Variants in TRAPPC9 observed in about 807,000 individuals in gnomAD.
TRAPPC9 encodes IKK2 binding protein.
TRAPPC9 carries 83 observed loss-of-function variants against 124.0 expected under a neutral mutation model. That is an observed-to-expected ratio of 0.67 (90% CI 0.56 to 0.80). TRAPPC9 has a LOEUF of 0.80. Ranked by LOEUF, TRAPPC9 falls within the 30% of genes least tolerant of loss-of-function variation. TRAPPC9 has a pLI of 0.00. For missense variants in TRAPPC9, 1,302 were observed against 1,508.3 expected, an observed-to-expected ratio of 0.86 and a Z score of 2.27; for synonymous variants, 638 against 617.5, an observed-to-expected ratio of 1.03 and a Z score of -0.49.
At chr8:140,288,767 C>T (rs147079980) in intron 12 of TRAPPC9, among the ~76,000 whole-genome samples, 97 of 152,216 alleles carry the variant, frequency 6.4e-4, no homozygotes, top group East Asian at 2.3e-3. Flanking sequence ...CATTAACAAG[C>T]GATCAAAACC....
chr8:140,389,988 C>T (rs755202946), intron 7 of TRAPPC9, among the ~76,000 whole-genome samples: 5 of 152,146 alleles, frequency 3.3e-5, no homozygotes, highest in African/African-American at 1.2e-4. Context: ...AGCTCTAAGG[C>T]TCCTAACAGC....
intron 19 of TRAPPC9, among the ~76,000 whole-genome samples, chr8:139,962,253 G>A (rs1052026588): frequency 0.026 from 3,179 of 124,398 alleles, 483 homozygotes; most frequent in African/African-American, 0.076. Flanking sequence ...AGAGATTTCC[G>A]GGAAGAAAAT....
intron 19 of TRAPPC9, among the ~76,000 whole-genome samples, chr8:139,948,693 G>A (rs1294821707): frequency 1.3e-5 from 2 of 152,188 alleles, no homozygotes; most frequent in African/African-American, 4.8e-5. Flanking sequence ...TTGGGGCTAG[G>A]AGCCAGGCCT....
chr8:140,364,372 T>C (rs1011103024), intron 8 of TRAPPC9, among the ~76,000 whole-genome samples: 1 of 150,284 alleles, frequency 6.7e-6, no homozygotes, highest in African/African-American at 2.5e-5. Context: ...CAAATGGGAA[T>C]TCCATTCACA....
Position 139,868,676 on chromosome 8 carries a change from GTAA to G in TRAPPC9, c.3055+17200_3055+17202del, listed in dbSNP as rs369003576. Among the ~76,000 whole-genome samples, 43 of 152,308 alleles carry G rather than the reference GTAA, an allele frequency of 2.8e-4. No homozygotes were observed. The East Asian group carries it at 7.9e-3, about 28-fold the overall frequency. On this transcript the variant is annotated intron_variant, in intron 21 of 22. Coordinates refer to ENST00000438773, the MANE Select transcript of TRAPPC9 (RefSeq NM_001160372.4). ...GCTTTGTTCTCTCCCCTAAAGCGTAGTAATAACACTACCTACTCTGGAGATTGT... is the reference window on the plus strand; with the variant it reads ...GCTTTGTTCTCTCCCCTAAAGCGTAGTAACACTACCTACTCTGGAGATTGT...
At chr8:139,829,438 C>T (rs1283741658) in intron 21 of TRAPPC9, among the ~76,000 whole-genome samples, 1 of 152,264 alleles carries the variant, frequency 6.6e-6, no homozygotes, top group Non-Finnish European at 1.5e-5. Context: ...CACCACCTGA[C>T]ATGGGTCTCC....
At chr8:139,862,229 C>G (rs995348475) in intron 21 of TRAPPC9, among the ~76,000 whole-genome samples, 5 of 152,266 alleles carry the variant, frequency 3.3e-5, no homozygotes, top group African/African-American at 1.2e-4. Flanking sequence ...GCCTGTGTTG[C>G]TTCACAAAAG....
In TRAPPC9 at chr8:140,356,985, A is replaced by G. The variant is rs943813872; in HGVS notation, c.1495+3065T>C. 2.0e-5 allele frequency among the ~76,000 whole-genome samples: 3 copies of G among 152,324 alleles called. No homozygotes were observed. The East Asian group carries it at 5.8e-4, about 29-fold the overall frequency. ...CCCATAAGCAATCACGATGAAGGCA[A>G]GGGCTGTGACAACATCACTCACACC... On this transcript the variant is annotated intron_variant, in intron 9 of 22. Coordinates refer to ENST00000438773, the MANE Select transcript of TRAPPC9 (RefSeq NM_001160372.4).
In TRAPPC9 at chr8:140,418,275, A is replaced by G. The variant is rs566595863; in HGVS notation, c.886+8340T>C. On this transcript the variant is annotated intron_variant, in intron 5 of 22. Transcript: ENST00000438773. The stretch of plus-strand genomic sequence containing the variant: ...CAATGGTGAATTCTACCAAATATTT[A>G]AGGACAAATTAACACCAATTCTTCA... Among the ~76,000 whole-genome samples the G allele has an allele frequency of 3.9e-5, 6 of 152,340 alleles. No homozygotes were observed. In the East Asian group the frequency reaches 1.2e-3, roughly 29 times the overall value.
intron 2 of TRAPPC9, among the ~76,000 whole-genome samples, chr8:140,443,727 CCT>C (rs2071130965): frequency 6.6e-6 from 1 of 152,048 alleles, no homozygotes; most frequent in African/African-American, 2.4e-5. Flanking sequence ...ATAGCAAAAC[CCT>C]GTCTCTACTA....
At chr8:139,799,708 C>A (rs1173437558) in intron 21 of TRAPPC9, among the ~76,000 whole-genome samples, 6 of 152,236 alleles carry the variant, frequency 3.9e-5, no homozygotes, top group African/African-American at 1.4e-4. Context: ...CCCATGAGCT[C>A]TTAGAGCAGT....
intron 9 of TRAPPC9, among the ~76,000 whole-genome samples, chr8:140,337,852 C>T (rs1248910550): frequency 2.4e-4 from 37 of 152,176 alleles, no homozygotes; most frequent in Admixed American, 2.4e-3. Flanking sequence ...CAAGCAAGCA[C>T]CACGGGCCGG....
chr8:139,953,142 TACA>T (rs1834751465), intron 19 of TRAPPC9, among the ~76,000 whole-genome samples: 1 of 152,214 alleles, frequency 6.6e-6, no homozygotes, highest in African/African-American at 2.4e-5. Context: ...TTGCACTATC[TACA>T]ACAACTAACA....
intron 21 of TRAPPC9, among the ~76,000 whole-genome samples, chr8:139,831,924 C>T (rs561686815): frequency 6.6e-6 from 1 of 152,214 alleles, no homozygotes; most frequent in Non-Finnish European, 1.5e-5. Context: ...CTTGAGTAGC[C>T]CCATTGTCCT....
At chr8:140,183,849 T>C (rs1251182244) in intron 17 of TRAPPC9, among the ~76,000 whole-genome samples, 1 of 83,534 alleles carries the variant, frequency 1.2e-5, no homozygotes, top group African/African-American at 4.4e-5. Flanking sequence ...AATGAGACTT[T>C]GTCAAAAAAA....
At chr8:139,973,710 G>C (rs1023980288) in intron 19 of TRAPPC9, among the ~76,000 whole-genome samples, 1 of 152,196 alleles carries the variant, frequency 6.6e-6, no homozygotes, top group African/African-American at 2.4e-5. Flanking sequence ...CCAGGGAAAA[G>C]TCGAAGGCGG....
Position 140,356,679 on chromosome 8 carries a change from G to A in TRAPPC9, c.1495+3371C>T, listed in dbSNP as rs556495590. ...GGCTGGGGTGCAGTGGCATGATCTC[G>A]GCTCACTGCAACCTCCACCTCCCGG... On this transcript the variant is annotated intron_variant, in intron 9 of 22. Transcript: ENST00000438773. Among the ~76,000 whole-genome samples the A allele has an allele frequency of 2.0e-5, 3 of 150,252 alleles. No individual in the cohort carries two copies. The East Asian group carries it at 5.8e-4, about 29-fold the overall frequency.
At chr8:139,745,525 T>C (rs1818829348) in intron 21 of TRAPPC9, among the ~76,000 whole-genome samples, 2 of 152,140 alleles carry the variant, frequency 1.3e-5, no homozygotes, top group African/African-American at 4.8e-5. Flanking sequence ...CTCAAAGCGA[T>C]TGGTAGGACA....
chr8:139,932,572 G>A (rs764635619), intron 19 of TRAPPC9: 58 of 453,050 alleles, frequency 1.3e-4, no homozygotes, highest in African/African-American at 1.2e-3. Context: ...AGACCAGCCT[G>A]GACAACATGG....
Sources: gnomAD v4.1 joint callset for allele counts (sites outside exome capture counted in the v4.1 genomes callset) on GRCh38, gnomAD v4.1.1 for gene constraint, MANE v1.5 for transcripts, NCBI Gene and HGNC (gene_info 2026-07-23, HGNC 2026-07-21) for gene names.